SEMA3A: variants seen among roughly 807,000 people sequenced by gnomAD.
SEMA3A encodes semaphorin 3A.
A neutral mutation model predicts 97.9 loss-of-function variants in SEMA3A; 29 were observed. That is an observed-to-expected ratio of 0.30 (90% CI 0.22 to 0.40). SEMA3A has a LOEUF of 0.40. Ranked by LOEUF, SEMA3A falls within the 10% of genes least tolerant of loss-of-function variation. The pLI is 1.00. For synonymous variants in SEMA3A, 321 were observed against 323.7 expected (o/e 0.99, Z 0.09); for missense variants, 763 against 951.3 (o/e 0.80, Z 2.60).
intron 3 of SEMA3A, among the ~76,000 whole-genome samples, chr7:84,262,257 C>T (rs1261748536): frequency 6.6e-6 from 1 of 151,920 alleles, no homozygotes; most frequent in Non-Finnish European, 1.5e-5. Flanking sequence ...TCTTTTTGCC[C>T]AGGATGGAGT....
intron 12 of SEMA3A, among the ~76,000 whole-genome samples, chr7:83,989,679 G>T (rs1319297061): frequency 7.7e-6 from 1 of 129,958 alleles, no homozygotes; most frequent in East Asian, 2.2e-4. Flanking sequence ...AGTATTCCAT[G>T]GTGTATATGT....
intron 3 of SEMA3A, among the ~76,000 whole-genome samples, chr7:84,119,725 A>G (rs1197469566): frequency 6.6e-6 from 1 of 152,196 alleles, no homozygotes; most frequent in East Asian, 1.9e-4. Context: ...AGACACATAT[A>G]GAAGAATACT....
intron 5 of SEMA3A, among the ~76,000 whole-genome samples, chr7:84,048,622 CGAAAAAATTAAATTACTGGTT>C (rs1414207444): frequency 1.3e-5 from 2 of 151,546 alleles, no homozygotes; most frequent in African/African-American, 4.8e-5. Context: ...TTAAAAAAAT[CGAAAAAATTAAATTACTGGTT>C]GAACCTCTTT....
intron 12 of SEMA3A, among the ~76,000 whole-genome samples, chr7:83,995,085 GC>G (rs1401069331): frequency 6.6e-6 from 1 of 152,126 alleles, no homozygotes; most frequent in Non-Finnish European, 1.5e-5. Context: ...TTTTCCAGGT[GC>G]CATCCGTCAC....
chr7:84,098,079 TTAA>T (rs1794832397), intron 4 of SEMA3A, among the ~76,000 whole-genome samples: 1 of 152,044 alleles, frequency 6.6e-6, no homozygotes, highest in Non-Finnish European at 1.5e-5. Flanking sequence ...CTTCTGATAT[TTAA>T]TAATAATTTA....
chr7:84,427,466 G>A (rs1424832059), intron 1 of SEMA3A, among the ~76,000 whole-genome samples: 2 of 151,636 alleles, frequency 1.3e-5, no homozygotes, highest in East Asian at 1.9e-4. Flanking sequence ...GGCCAATATG[G>A]TGAAACCCTG....
intron 4 of SEMA3A, among the ~76,000 whole-genome samples, chr7:84,089,344 G>T (rs961022527): frequency 1.3e-5 from 2 of 152,048 alleles, no homozygotes; most frequent in Non-Finnish European, 2.9e-5. Flanking sequence ...CTATGCAAAT[G>T]CAAATATGTC....
chr7:84,225,814 T>C (rs115467370), intron 3 of SEMA3A, among the ~76,000 whole-genome samples: 354 of 152,034 alleles, frequency 2.3e-3, no homozygotes, highest in African/African-American at 8.5e-3. Flanking sequence ...AGTGGGATAG[T>C]AGGAAGTGGA....
chr7:84,437,802 T>C lies in SEMA3A; in HGVS notation c.-246+54658A>G, dbSNP rs375453927. ...ACTGTAATATGTAAATCTTCCAAAATATTTGCCATAATCAGTAGTATATAG... is the reference window on the plus strand; with the variant it reads ...ACTGTAATATGTAAATCTTCCAAAACATTTGCCATAATCAGTAGTATATAG... On this transcript the variant is annotated intron_variant, in intron 1 of 3. Transcript: ENST00000424555. 6.6e-5 allele frequency among the ~76,000 whole-genome samples: 10 copies of C among 152,076 alleles called. 2 individuals carry two copies. Among genetic ancestry groups the C allele is most frequent in the Admixed American group, 6.5e-5 (1 of 15,272 alleles).
intron 3 of SEMA3A, among the ~76,000 whole-genome samples, chr7:84,273,320 T>C (rs1237426484): frequency 2.0e-5 from 3 of 152,152 alleles, no homozygotes; most frequent in African/African-American, 4.8e-5. Flanking sequence ...CCATAATGTT[T>C]TCTGTGGGAC....
At chr7:84,010,058 GTT>G (rs1344440447) in intron 9 of SEMA3A, among the ~76,000 whole-genome samples, 1 of 151,734 alleles carries the variant, frequency 6.6e-6, no homozygotes, top group Non-Finnish European at 1.5e-5. Context: ...AATGCTGAAG[GTT>G]TTTGTTTATT....
intron 3 of SEMA3A, among the ~76,000 whole-genome samples, chr7:84,115,839 G>A (rs1050954929): frequency 7.9e-5 from 12 of 152,134 alleles, no homozygotes; most frequent in Admixed American, 7.2e-4. Flanking sequence ...CCAATTTTAT[G>A]CAAGGTGCTG....
chr7:84,147,892 C>A (rs139414433), intron 1 of SEMA3A, among the ~76,000 whole-genome samples: 1 of 151,604 alleles, frequency 6.6e-6, no homozygotes, highest in African/African-American at 2.4e-5. Flanking sequence ...CTTACTCTCA[C>A]TCTCTCTCTT....
At chr7:83,988,025 A>AT (rs1789709289) in intron 12 of SEMA3A, among the ~76,000 whole-genome samples, 1 of 152,022 alleles carries the variant, frequency 6.6e-6, no homozygotes, top group East Asian at 1.9e-4. Flanking sequence ...TTTGTTTTAT[A>AT]TTTTTTCTTG....
At chr7:83,977,022 T>C (rs1215573527) in intron 15 of SEMA3A, 110 bp downstream of exon 15, 3 of 473,666 alleles carry the variant, frequency 6.3e-6, no homozygotes, top group African/African-American at 7.3e-5. Flanking sequence ...TTCGGCTGCA[T>C]TTCTTTAAGT....
At chr7:84,125,277 T>C (rs1041891248) in intron 3 of SEMA3A, among the ~76,000 whole-genome samples, 1 of 152,244 alleles carries the variant, frequency 6.6e-6, no homozygotes. Context: ...ATCATAATGA[T>C]TTATATTTTT....
chr7:84,465,680 G>T (rs1433119284), intron 1 of SEMA3A, among the ~76,000 whole-genome samples: 1 of 152,064 alleles, frequency 6.6e-6, no homozygotes, highest in Non-Finnish European at 1.5e-5. Flanking sequence ...ATAAGCCGGA[G>T]ATCCAGAAAA....
At chr7:84,314,816 T>C (rs1288756230) in intron 2 of SEMA3A, among the ~76,000 whole-genome samples, 1 of 152,142 alleles carries the variant, frequency 6.6e-6, no homozygotes, top group Non-Finnish European at 1.5e-5. Context: ...AGCAAGAATT[T>C]GAGGAAATTG....
intron 1 of SEMA3A, among the ~76,000 whole-genome samples, chr7:84,464,557 A>C (rs1046057414): frequency 1.3e-5 from 2 of 152,212 alleles, no homozygotes; most frequent in African/African-American, 4.8e-5. Context: ...ATAATGACAG[A>C]GGTAGGCAAG....
Sources: gnomAD v4.1 joint callset for allele counts (sites outside exome capture counted in the v4.1 genomes callset) on GRCh38, gnomAD v4.1.1 for gene constraint, MANE v1.5 for transcripts, NCBI Gene and HGNC (gene_info 2026-07-23, HGNC 2026-07-21) for gene names.